The following STOML1 variants were observed in gnomAD, a reference collection of about 807,000 sequenced individuals.
The protein encoded by STOML1 is stomatin-like protein 1.
In STOML1, 27 loss-of-function variants were observed where a neutral mutation model predicts 35.7. The observed-to-expected ratio is 0.76, with a 90% CI of 0.56 to 1.04. STOML1 has a LOEUF of 1.04. STOML1 is among the 50% of genes least tolerant of loss of function. The pLI is 0.00. For missense variants in STOML1, 451 were observed against 527.1 expected, an observed-to-expected ratio of 0.86 and a Z score of 1.41; for synonymous variants, 219 against 227.9, an observed-to-expected ratio of 0.96 and a Z score of 0.35.
In STOML1 at chr15:73,988,576, C is replaced by A. The variant is rs2069164549; in HGVS notation, c.594+23G>T. ...CCAGGCCGGTGCCACCCCTCAAGCT[C>A]CGTCTTGTGAGGGGCTGCCTACCAG... On this transcript the variant is annotated intron_variant, in intron 4 of 6. Transcript: ENST00000541638. This position sits in a 1 kb window ranked among gnomAD's most constrained non-coding sequence, Gnocchi z 4.8. The A allele has an allele frequency of 3.7e-6, 6 of 1,613,644 alleles. No homozygotes were observed. The East Asian group carries it at 1.3e-4, about 36-fold the overall frequency.
Position 73,985,344 on chromosome 15 carries a change from G to C in STOML1, c.764C>G (p.Ala255Gly), listed in dbSNP as rs1431391524. ...TGGCCCCGGGGACGGGGCACCTCCTGCCATTGAGTTCATGCTTCCTCCCAG... is the reference window on the plus strand; with the variant it reads ...TGGCCCCGGGGACGGGGCACCTCCTCCCATTGAGTTCATGCTTCCTCCCAG... ...HFLGGSMNSM[A>G]GGAPSPGPAD... Residue 255 changes from alanine to glycine, a missense_variant, in exon 5 of 7, where the codon GCA becomes GGA. Coordinates refer to ENST00000541638, the MANE Select transcript of STOML1 (RefSeq NM_004809.5). The C allele has an allele frequency of 1.9e-6, 3 of 1,550,574 alleles. No individual in the cohort carries two copies. The highest frequency in any genetic ancestry group is 2.6e-6 in the Non-Finnish European group (3 of 1,153,920).
At chr15:73,985,710 G>A (rs2069076123) in intron 4 of STOML1, 197 bp from the exon 5 acceptor site, 9 of 616,248 alleles carry the variant, frequency 1.5e-5, no homozygotes, top group Non-Finnish European at 2.4e-5. Flanking sequence ...GGCCTGTGGT[G>A]AGCCCCCAGC....
intron 2 of STOML1, 156 bp downstream of exon 2, chr15:73,990,195 C>G: frequency 4.3e-6 from 3 of 696,220 alleles, no homozygotes; most frequent in Non-Finnish European, 7.3e-6. Context: ...AGTTTCCTCC[C>G]CTGACCAATG....
In STOML1 at chr15:73,990,430, A is replaced by C. The variant is rs2141678550; in HGVS notation, c.161T>G (p.Leu54Arg). 1 of 1,613,982 alleles carries C rather than the reference A, an allele frequency of 6.2e-7. No individual in the cohort carries two copies. Among genetic ancestry groups the C allele is most frequent in the Non-Finnish European group, 8.5e-7 (1 of 1,179,928 alleles). The stretch of plus-strand genomic sequence containing the variant: ...CAGGAAACTGATGAGGCCATGACAG[A>C]GGCAGGAGGGCCAGCTCTGGGGTAC... ...ADVPQSWPSC[L>R]CHGLISFLGF... The change falls in exon 2 of 7, where the codon CTC (leucine) becomes CGC (arginine). Residue 54 changes from leucine to arginine, a missense_variant. Coordinates refer to ENST00000541638, the MANE Select transcript of STOML1 (RefSeq NM_004809.5).
chr15:73,988,454 C>T lies in STOML1; in HGVS notation c.594+145G>A, dbSNP rs1221547320. On this transcript the variant is annotated intron_variant, in intron 4 of 6. Coordinates refer to ENST00000541638, the MANE Select transcript of STOML1 (RefSeq NM_004809.5). The surrounding 1 kb of genome is among the most constrained non-coding windows in gnomAD (Gnocchi z 4.8). ...TCCTCAACTCATGGCCCCACCCAGG[C>T]ACTGGCTCTTCAAAGGTGGTTACAC... The T allele has an allele frequency of 4.2e-6, 4 of 950,798 alleles. No individual in the cohort carries two copies. The highest frequency in any genetic ancestry group is 3.3e-4 in the Middle Eastern group (1 of 2,986). The allele number at this position is 950,798 out of a possible 1,614,324, so 58.9% of individuals were successfully genotyped here. A position where few individuals can be genotyped will look rare whatever the true frequency, so the allele number is the denominator to read the frequency against.
At chr15:73,985,169 T>A in intron 5 of STOML1, 149 bp downstream of exon 5, 1 of 1,018,066 alleles carries the variant, frequency 9.8e-7, no homozygotes. Context: ...CTCAGACACC[T>A]GGCCTCCTCT....
chr15:73,981,194 A>G lies in STOML1; in HGVS notation c.*2743T>C, dbSNP rs1175510569. The G allele has an allele frequency of 1.3e-5, 2 of 152,110 alleles. No homozygotes were observed. The highest frequency in any genetic ancestry group is 2.9e-5 in the Non-Finnish European group (2 of 68,048). The allele number at this position is 152,110 out of a possible 1,614,324, so 9.4% of individuals were successfully genotyped here. On this transcript the variant is annotated 3_prime_UTR_variant, in exon 7 of 7. Transcript: ENST00000541638. ...AACATGGTGAAATCCCATCTCTACT[A>G]AAAATACAAAAATTAACCAGGTGTG...
intron 1 of STOML1, chr15:73,991,117 C>A: frequency 3.5e-6 from 2 of 566,140 alleles, no homozygotes; most frequent in Non-Finnish European, 4.5e-6. Context: ...GACTCCATCT[C>A]AAAAAAACAA....
intron 1 of STOML1, chr15:73,990,791 T>G (rs2069250699): frequency 2.6e-6 from 4 of 1,534,898 alleles, no homozygotes; most frequent in Admixed American, 2.0e-5. Context: ...ATCCTCTCGT[T>G]TAATTTATAT....
intron 2 of STOML1, 104 bp from the exon 3 acceptor site, chr15:73,989,361 CA>C: frequency 7.6e-7 from 1 of 1,315,592 alleles, no homozygotes; most frequent in East Asian, 2.6e-5. Context: ...ACCTGGGTCA[CA>C]GTTAGGTATC....
chr15:73,979,277 TTTGA>T lies in STOML1; in HGVS notation c.*4656_*4659del, dbSNP rs2068934312. ...TGTGAGTGGATGGGAATGTTTTGTA[TTTGA>T]TTGTAGGGGGTGGTGGTTACTCAGG... On this transcript the variant is annotated 3_prime_UTR_variant, in exon 7 of 7. Coordinates refer to ENST00000541638, the MANE Select transcript of STOML1 (RefSeq NM_004809.5). 6.6e-6 allele frequency: 1 copy of T among 152,134 alleles called. No homozygotes were observed. Among genetic ancestry groups the T allele is most frequent in the African/African-American group, 2.4e-5 (1 of 41,420 alleles). The allele number at this position is 152,134 out of a possible 1,614,324, so 9.4% of individuals were successfully genotyped here. A position where few individuals can be genotyped will look rare whatever the true frequency, so the allele number is the denominator to read the frequency against.
At chr15:73,992,994 G>T (rs1323918618), upstream of STOML1, among the ~76,000 whole-genome samples, 1 of 152,184 alleles carries the variant, frequency 6.6e-6, no homozygotes, top group Non-Finnish European at 1.5e-5. Flanking sequence ...CATAGGGCAG[G>T]TCTCAATACT....
In STOML1 at chr15:73,990,314, GCCCAACCACCCTGGGGGCTGA is replaced by G. The variant is rs752147730; in HGVS notation, c.240+16_240+36del. Reference sequence around the variant, plus strand: ...CATCAATGCCAAAGCTCTCAGTGTGGCCCAACCACCCTGGGGGCTGACCCAGCCAGCCTTACCTTCAGGGCA... The same window carrying G: ...CATCAATGCCAAAGCTCTCAGTGTGGCCCAGCCAGCCTTACCTTCAGGGCA... On this transcript the variant is annotated intron_variant, in intron 2 of 6. Coordinates refer to ENST00000541638, the MANE Select transcript of STOML1 (RefSeq NM_004809.5). 1 of 1,596,684 alleles carries G rather than the reference GCCCAACCACCCTGGGGGCTGA, an allele frequency of 6.3e-7. No homozygotes were observed.
At chr15:73,990,669 T>C (rs2069245829) in intron 1 of STOML1, 5 of 952,930 alleles carry the variant, frequency 5.2e-6, no homozygotes, top group Non-Finnish European at 8.0e-6. Context: ...CACTCATTTG[T>C]CCCAAGTCCA....
At chr15:73,994,552 G>C (rs1200849877), upstream of STOML1, 4 of 560,306 alleles carry the variant, frequency 7.1e-6, no homozygotes, top group Admixed American at 1.2e-4. Flanking sequence ...CCGCTTTACC[G>C]TAAGTCAGCG....
Position 73,988,674 on chromosome 15 carries a change from G to A in STOML1, c.519C>T (p.Ala173=). 6.2e-7 allele frequency: 1 copy of A among 1,614,200 alleles called. No individual in the cohort carries two copies. Among genetic ancestry groups the A allele is most frequent in the South Asian group, 1.1e-5 (1 of 91,086 alleles). Residue 173 remains alanine (A), a synonymous_variant, in exon 4 of 7, where the codon GCC becomes GCT. Transcript: ENST00000541638. The surrounding 1 kb of genome is among the most constrained non-coding windows in gnomAD (Gnocchi z 4.8). ...NTATRMTAQN[A]MTKALLKRPL... ...GCCTCTTGAGCAGGGCCTTGGTCAT[G>A]GCGTTCTGGGCTGTCATGCGTGTGG... is the stretch of plus-strand genomic sequence containing the variant.
rs369694045 is a variant in STOML1, at chr15:73,990,417, G to A, written c.174C>T (p.Leu58=). 6.2e-7 allele frequency: 1 copy of A among 1,614,134 alleles called. No homozygotes were observed. Among genetic ancestry groups the A allele is most frequent in the Non-Finnish European group, 8.5e-7 (1 of 1,180,012 alleles). Residue 58 remains leucine (L), a synonymous_variant, in exon 2 of 7, where the codon CTC becomes CTT. Coordinates refer to ENST00000541638, the MANE Select transcript of STOML1 (RefSeq NM_004809.5). ...GCAGCAAGAACCCCAGGAAACTGAT[G>A]AGGCCATGACAGAGGCAGGAGGGCC... The part of the protein sequence containing the change: ...QSWPSCLCHG[L]ISFLGFLLLL...
At position 73,988,522 on chromosome 15, in the gene STOML1, C is replaced by G. The variant is rs899547226; in HGVS notation, c.594+77G>C. 6 of 1,564,180 alleles carry G rather than the reference C, an allele frequency of 3.8e-6. No homozygotes were observed. The Admixed American group carries it at 5.3e-5, about 14-fold the overall frequency. On this transcript the variant is annotated intron_variant, in intron 4 of 6. Transcript: ENST00000541638. The surrounding 1 kb of genome is among the most constrained non-coding windows in gnomAD (Gnocchi z 4.8). Reference sequence around the variant, plus strand: ...AACTGAGGCCCAGAGTGGTCTGACTCTTTTCTCAAAGTGACCTGGCAGGTG... The same window carrying G: ...AACTGAGGCCCAGAGTGGTCTGACTGTTTTCTCAAAGTGACCTGGCAGGTG...
At position 73,989,460 on chromosome 15, in the gene STOML1, AG is replaced by A. The variant is rs2069198755; in HGVS notation, c.241-204del. On this transcript the variant is annotated intron_variant, in intron 2 of 6. Coordinates refer to ENST00000541638, the MANE Select transcript of STOML1 (RefSeq NM_004809.5). ...TGCATAGCCCTAAGTGAAATAGTGA[AG>A]ATTTGAATGCAGTTCTGAATAACTC... 2.6e-5 allele frequency among the ~76,000 whole-genome samples: 4 copies of A among 152,208 alleles called. No individual in the cohort carries two copies. In the South Asian group the frequency reaches 8.3e-4, roughly 32 times the overall value.
Sources: gnomAD v4.1 joint callset for allele counts (sites outside exome capture counted in the v4.1 genomes callset) on GRCh38, gnomAD v4.1.1 for gene constraint, Gnocchi (gnomAD v3.1) non-coding constraint, MANE v1.5 for transcripts, NCBI Gene and HGNC (gene_info 2026-07-23, HGNC 2026-07-21) for gene names.